The following DZIP1 variants were observed in gnomAD, a reference collection of about 807,000 sequenced individuals.
DZIP1 encodes the protein DAZ interacting zinc finger protein 1.
In DZIP1, 97 loss-of-function variants were observed where a neutral mutation model predicts 107.6. The observed-to-expected ratio is 0.90, with a 90% confidence interval of 0.77 to 1.07. DZIP1 has a LOEUF of 1.07. DZIP1 is among the 50% of genes least tolerant of loss of function. The pLI is 0.00. For synonymous variants in DZIP1, 390 were observed against 386.4 expected, an observed-to-expected ratio of 1.01 and a Z score of -0.11; for missense variants, 1,035 against 1,063.6, an observed-to-expected ratio of 0.97 and a Z score of 0.37.
In DZIP1 at chr13:95,635,259, T is replaced by C. The variant is rs142227027; in HGVS notation, c.598-1938A>G. Reference sequence around the variant, plus strand: ...TCACCCAGGCTGGAGTACAGTGGCGTAATCATGGCTCACTGCAGCTTTAAC... The same window carrying C: ...TCACCCAGGCTGGAGTACAGTGGCGCAATCATGGCTCACTGCAGCTTTAAC... On this transcript the variant is annotated intron_variant, in intron 5 of 22. Coordinates refer to ENST00000376829, the MANE Select transcript of DZIP1 (RefSeq NM_198968.4). Among the ~76,000 whole-genome samples the C allele has an allele frequency of 4.4e-3, 665 of 149,546 alleles. 9 individuals are homozygous for C. Among genetic ancestry groups the C allele is most frequent in the African/African-American group, 0.016 (635 of 40,746 alleles).
Position 95,606,045 on chromosome 13 carries a change from G to T in DZIP1, c.1435C>A (p.Leu479Met). Reference protein sequence around the residue: ...APAVPMNAPALHTLETKSSLP... With the variant: ...APAVPMNAPAMHTLETKSSLP... ...CTTGATTTAGTTTCCAAAGTGTGCA[G>T]GGCTGGGGCATTCACTGAAACAGCA... The change falls in exon 14 of 23, where the codon CTG becomes ATG. Residue 479 changes from leucine to methionine, a missense_variant. Leu to Met is a conservative substitution (Grantham distance 15). Transcript: ENST00000376829. The T allele has an allele frequency of 6.2e-7, 1 of 1,613,958 alleles. No individual in the cohort carries two copies. The highest frequency in any genetic ancestry group is 8.5e-7 in the Non-Finnish European group (1 of 1,179,910).
chr13:95,584,190 T>C (rs1489446282), intron 22 of DZIP1, among the ~76,000 whole-genome samples: 1 of 151,120 alleles, frequency 6.6e-6, no homozygotes, highest in African/African-American at 2.4e-5. Flanking sequence ...TTGGCCAGGA[T>C]GGTCTCAATC....
At chr13:95,602,108 C>T (rs1346381938) in intron 14 of DZIP1, among the ~76,000 whole-genome samples, 4 of 152,270 alleles carry the variant, frequency 2.6e-5, no homozygotes, top group East Asian at 1.9e-4. Context: ...GCCCCAAGAA[C>T]GACCCTGGAC....
chr13:95,589,661 G>A, intron 18 of DZIP1, 142 bp downstream of exon 18: 1 of 1,097,254 alleles, frequency 9.1e-7, no homozygotes, highest in Non-Finnish European at 1.3e-6. Context: ...TGACTATACT[G>A]GCATCCTGAT....
At position 95,581,051 on chromosome 13, in the gene DZIP1, T is replaced by TA. The variant is rs1475723778; in HGVS notation, c.*1182dup. 3 of 152,320 alleles carry TA rather than the reference T, an allele frequency of 2.0e-5. No homozygotes were observed. Among genetic ancestry groups the TA allele is most frequent in the African/African-American group, 7.2e-5 (3 of 41,560 alleles). The allele number at this position is 152,320 out of a possible 1,614,324, so 9.4% of individuals were successfully genotyped here. A position where few individuals can be genotyped will look rare whatever the true frequency, so the allele number is the denominator to read the frequency against. On this transcript the variant is annotated 3_prime_UTR_variant, in exon 23 of 23. Coordinates refer to ENST00000376829, the MANE Select transcript of DZIP1 (RefSeq NM_198968.4). ...CAATCAAGGCCAGATTCTCCCTCTG[T>TA]AAGACCCCTAATAAGTACAAATTTA...
chr13:95,602,721 C>T (rs1019748904), intron 14 of DZIP1, among the ~76,000 whole-genome samples: 1 of 152,236 alleles, frequency 6.6e-6, no homozygotes, highest in African/African-American at 2.4e-5. Context: ...CCCCTTGTGA[C>T]TGCACATAAG....
chr13:95,590,673 T>C (rs2044288126), intron 16 of DZIP1, among the ~76,000 whole-genome samples: 1 of 152,188 alleles, frequency 6.6e-6, no homozygotes, highest in Non-Finnish European at 1.5e-5. Flanking sequence ...AGGCTGTGTG[T>C]CATAAGGACC....
At chr13:95,591,863 G>T (rs1453250523) in intron 16 of DZIP1, among the ~76,000 whole-genome samples, 1 of 152,108 alleles carries the variant, frequency 6.6e-6, no homozygotes, top group Non-Finnish European at 1.5e-5. Flanking sequence ...AAAGTTCATT[G>T]GAAAACAAAA....
chr13:95,589,541 G>A (rs2044254835), intron 18 of DZIP1, among the ~76,000 whole-genome samples: 1 of 152,144 alleles, frequency 6.6e-6, no homozygotes, highest in African/African-American at 2.4e-5. Flanking sequence ...TGATGGGATT[G>A]GTGCCTTATA....
At position 95,587,727 on chromosome 13, in the gene DZIP1, G is replaced by T. The variant is rs1230015947; in HGVS notation, c.2030C>A (p.Thr677Asn). 3.1e-6 allele frequency: 5 copies of T among 1,612,884 alleles called. No individual in the cohort carries two copies. The South Asian group carries it at 5.5e-5, about 18-fold the overall frequency. ...PFPRKSSTIT[T>N]PPFSSEEEQE... ...CTCCTCCTCTGAACTAAAAGGAGGGGTCCTACACAAATCAACACCGAGATA... is the reference window on the plus strand; with the variant it reads ...CTCCTCCTCTGAACTAAAAGGAGGGTTCCTACACAAATCAACACCGAGATA... The change falls in exon 20 of 23, where the codon ACC (threonine) becomes AAC (asparagine). Residue 677 changes from threonine to asparagine, a missense_variant and splice_region_variant. Coordinates refer to ENST00000376829, the MANE Select transcript of DZIP1 (RefSeq NM_198968.4).
chr13:95,606,160 A>G, intron 13 of DZIP1, 101 bp from the exon 14 acceptor site: 1 of 959,492 alleles, frequency 1.0e-6, no homozygotes, highest in Non-Finnish European at 1.6e-6. Context: ...GTCAAGATAC[A>G]TACAGACCAT....
chr13:95,587,717 A>C lies in DZIP1; in HGVS notation c.2040T>G (p.Phe680Leu). The change falls in exon 20 of 23, where the codon TTT (phenylalanine) becomes TTG (leucine). Residue 680 changes from phenylalanine to leucine, a missense_variant. Transcript: ENST00000376829. ...CGTCCTCCTGCTCCTCCTCTGAACT[A>C]AAAGGAGGGGTCCTACACAAATCAA... ...RKSSTITTPP[F>L]SSEEEQEDDD... The C allele has an allele frequency of 6.2e-7, 1 of 1,613,882 alleles. No homozygotes were observed. The highest frequency in any genetic ancestry group is 8.5e-7 in the Non-Finnish European group (1 of 1,179,966).
chr13:95,622,563 T>C lies in DZIP1; in HGVS notation c.973-83A>G, dbSNP rs1220108568. On this transcript the variant is annotated intron_variant, in intron 8 of 22. Coordinates refer to ENST00000376829, the MANE Select transcript of DZIP1 (RefSeq NM_198968.4). ...AGAATAAAATCAGGGAGCACATAGC[T>C]GTGTTTTAAATCTGACTGCCCTCTT... The C allele has an allele frequency of 8.4e-6, 13 of 1,545,870 alleles. No homozygotes were observed. The East Asian group carries it at 2.9e-4, about 35-fold the overall frequency.
intron 14 of DZIP1, among the ~76,000 whole-genome samples, chr13:95,600,032 T>C (rs539323471): frequency 6.6e-6 from 1 of 152,270 alleles, no homozygotes; most frequent in African/African-American, 2.4e-5. Flanking sequence ...GGAAGGACTC[T>C]TCCCAATCTC....
intron 8 of DZIP1, among the ~76,000 whole-genome samples, chr13:95,623,650 T>G (rs909448369): frequency 9.9e-5 from 15 of 152,180 alleles, no homozygotes; most frequent in African/African-American, 3.4e-4. Context: ...TTTTAAAAAT[T>G]TAAAAACTGG....
At chr13:95,609,174 A>G (rs1426492401) in intron 13 of DZIP1, among the ~76,000 whole-genome samples, 1 of 152,242 alleles carries the variant, frequency 6.6e-6, no homozygotes, top group African/African-American at 2.4e-5. Context: ...AGAAGTCTAC[A>G]AGTATAAACT....
intron 7 of DZIP1, among the ~76,000 whole-genome samples, chr13:95,626,636 A>G (rs1278069464): frequency 6.6e-6 from 1 of 152,236 alleles, no homozygotes; most frequent in Non-Finnish European, 1.5e-5. Context: ...CATAGAATCC[A>G]TAAGAAACGA....
intron 21 of DZIP1, 96 bp from the exon 22 acceptor site, chr13:95,585,006 C>T: frequency 1.1e-6 from 1 of 944,908 alleles, no homozygotes; most frequent in Non-Finnish European, 1.6e-6. Context: ...AACACTGAAC[C>T]ATAAGGAAAG....
intron 21 of DZIP1, 111 bp from the exon 22 acceptor site, chr13:95,585,021 G>A (rs1281033451): frequency 1.9e-5 from 15 of 784,566 alleles, no homozygotes; most frequent in Non-Finnish European, 2.7e-5. Context: ...GGAAAGAAGT[G>A]GGGAACTATT....
Sources: allele counts gnomAD v4.1 joint callset (sites outside exome capture counted in the v4.1 genomes callset), GRCh38; gene constraint gnomAD v4.1.1; transcripts MANE v1.5; gene names NCBI Gene and HGNC (gene_info 2026-07-23, HGNC 2026-07-21).